The following KIAA2012 variants were observed in gnomAD, a reference collection of about 807,000 sequenced individuals.
The protein encoded by KIAA2012 is uncharacterized protein KIAA2012.
In KIAA2012, 125 loss-of-function variants were observed where a neutral mutation model predicts 150.6. That is an observed-to-expected ratio of 0.83 (90% CI 0.72 to 0.96). The LOEUF (loss-of-function observed/expected upper bound fraction) is 0.96, where lower values mean the gene tolerates loss of function less well. Among genes scored for constraint, KIAA2012 ranks in the 40% least tolerant of loss-of-function variants. KIAA2012 has a pLI of 0.00. For missense variants in KIAA2012, 1,219 were observed against 1,354.9 expected (o/e 0.90, Z 1.57); for synonymous variants, 462 against 504.7 (o/e 0.92, Z 1.13).
At chr2:202,092,710 G>C (rs1001945856) in intron 3 of KIAA2012, among the ~76,000 whole-genome samples, 1 of 152,052 alleles carries the variant, frequency 6.6e-6, no homozygotes, top group Non-Finnish European at 1.5e-5. Flanking sequence ...ACTACCACTG[G>C]ATCTCCTCCT....
intron 16 of KIAA2012, 42 bp downstream of exon 16, chr2:202,184,885 T>C (rs1040296452): frequency 2.0e-6 from 3 of 1,464,418 alleles, no homozygotes; most frequent in East Asian, 5.1e-5. Flanking sequence ...TCTCTGCTTT[T>C]ATTTTGTTTG....
chr2:202,149,670 A>T (rs939536522), intron 13 of KIAA2012, among the ~76,000 whole-genome samples: 1 of 152,202 alleles, frequency 6.6e-6, no homozygotes, highest in Non-Finnish European at 1.5e-5. Context: ...GAGTGGGAGA[A>T]GTAATGAGGA....
intron 11 of KIAA2012, among the ~76,000 whole-genome samples, chr2:202,118,982 C>T (rs568137021): frequency 5.3e-5 from 8 of 152,256 alleles, no homozygotes; most frequent in South Asian, 2.1e-4. Context: ...TTATGGCTTC[C>T]GAAGAAGAAA....
chr2:202,136,224 A>G (rs1681372645), intron 12 of KIAA2012: 1 of 165,926 alleles, frequency 6.0e-6, no homozygotes, highest in Non-Finnish European at 1.3e-5. Flanking sequence ...TCTTAAAGGC[A>G]GCACGTCTGG....
chr2:202,170,976 C>T (rs1375925406), intron 15 of KIAA2012, among the ~76,000 whole-genome samples: 4 of 152,202 alleles, frequency 2.6e-5, no homozygotes, highest in Non-Finnish European at 4.4e-5. Flanking sequence ...GCTCGCAGAG[C>T]TGGGCAACAG....
intron 15 of KIAA2012, among the ~76,000 whole-genome samples, chr2:202,171,676 A>G (rs1691895777): frequency 6.6e-6 from 1 of 151,958 alleles, no homozygotes; most frequent in South Asian, 2.1e-4. Flanking sequence ...GCAGAGCTAG[A>G]AGGTCTAAAC....
intron 12 of KIAA2012, among the ~76,000 whole-genome samples, chr2:202,129,951 A>C (rs1464060098): frequency 6.6e-6 from 1 of 152,234 alleles, no homozygotes; most frequent in Non-Finnish European, 1.5e-5. Context: ...CCAGCCTCGC[A>C]GCACTCACAC....
chr2:202,166,589 C>G (rs1259588689), intron 15 of KIAA2012, among the ~76,000 whole-genome samples: 1 of 151,418 alleles, frequency 6.6e-6, no homozygotes, highest in African/African-American at 2.4e-5. Context: ...GAGTTTGAGG[C>G]TGCTGTGAGC....
intron 12 of KIAA2012, among the ~76,000 whole-genome samples, chr2:202,132,790 A>G (rs544139871): frequency 0.04 from 2,860 of 70,660 alleles, 194 homozygotes; most frequent in African/African-American, 0.14. Flanking sequence ...ATATATGCGT[A>G]TATATATATA....
In KIAA2012 at chr2:202,103,124, G is replaced by A. The variant is rs1351065179; in HGVS notation, c.1324+10G>A. 7 of 1,549,752 alleles carry A rather than the reference G, an allele frequency of 4.5e-6. No individual in the cohort carries two copies. Among genetic ancestry groups the A allele is most frequent in the Admixed American group, 3.9e-5 (2 of 50,940 alleles). On this transcript the variant is annotated intron_variant, in intron 8 of 23. Transcript: ENST00000498697. ...AAAGCCCACAGAAGAGGTAGGTCCC[G>A]GGTGCATGGGCACTCCTGAGGGAGA...
chr2:202,077,039 G>A (rs749330776), intron 2 of KIAA2012: 2 of 457,264 alleles, frequency 4.4e-6, no homozygotes, highest in East Asian at 6.9e-5. Context: ...AGAAGCATCT[G>A]CATTACCTCT....
At chr2:202,113,509 C>A (rs1441951000) in intron 11 of KIAA2012, 63 bp downstream of exon 11, 3 of 1,191,516 alleles carry the variant, frequency 2.5e-6, no homozygotes, top group African/African-American at 1.6e-5. Flanking sequence ...ATGTTACCTG[C>A]AGCTTCCAAA....
Position 202,102,946 on chromosome 2 carries a change from G to T in KIAA2012, c.1156G>T (p.Ala386Ser). The change falls in exon 8 of 24, where the codon GCA becomes TCA. Residue 386 changes from alanine (A) to serine (S), a missense_variant and splice_region_variant. By Grantham distance (99) the Ala-to-Ser change is moderately conservative (BLOSUM62 1). Transcript: ENST00000498697. ...ITPGEVKKKK[A>S]PKALKLPPIS... ...CGTTTTGTTTTTAAATTTTCTCCAG[G>T]CACCAAAGGCTTTGAAATTACCTCC... The T allele has an allele frequency of 1.3e-6, 2 of 1,547,504 alleles. No homozygotes were observed. Among genetic ancestry groups the T allele is most frequent in the South Asian group, 2.4e-5 (2 of 83,538 alleles).
chr2:202,192,397 G>A (rs79860867), intron 19 of KIAA2012, among the ~76,000 whole-genome samples: 14,137 of 151,662 alleles, frequency 0.093, 896 homozygotes, highest in South Asian at 0.24. Flanking sequence ...AGTTTCTGTG[G>A]GATTAAATGT....
At chr2:202,193,843 T>C (rs1574316617) in intron 20 of KIAA2012, among the ~76,000 whole-genome samples, 1 of 152,224 alleles carries the variant, frequency 6.6e-6, no homozygotes, top group Non-Finnish European at 1.5e-5. Flanking sequence ...CTGCACTTTG[T>C]GGTCTGCACT....
At chr2:202,076,586 C>T (rs535042686) in intron 2 of KIAA2012, among the ~76,000 whole-genome samples, 128 of 152,136 alleles carry the variant, frequency 8.4e-4, no homozygotes, top group African/African-American at 2.9e-3. Context: ...TTATTTAATC[C>T]CTACAAAGAC....
chr2:202,168,835 G>A (rs1297185732), intron 15 of KIAA2012, among the ~76,000 whole-genome samples: 2 of 152,098 alleles, frequency 1.3e-5, no homozygotes, highest in Non-Finnish European at 2.9e-5. Context: ...GGAACAATGT[G>A]GGGGTGGGGA....
At chr2:202,114,050 G>A in intron 11 of KIAA2012, 1 of 152,452 alleles carries the variant, frequency 6.6e-6, no homozygotes. Context: ...TCTGCAGCCA[G>A]CAGGCTCCTT....
At chr2:202,121,596 A>C (rs1458023651) in intron 11 of KIAA2012, among the ~76,000 whole-genome samples, 3 of 152,128 alleles carry the variant, frequency 2.0e-5, no homozygotes, top group African/African-American at 7.2e-5. Context: ...CCCTTATCCC[A>C]ACGATCCTAG....
Sources: allele counts gnomAD v4.1 joint callset (sites outside exome capture counted in the v4.1 genomes callset), GRCh38; gene constraint gnomAD v4.1.1; transcripts MANE v1.5; gene names NCBI Gene and HGNC (gene_info 2026-07-23, HGNC 2026-07-21).